The following ATP8B4 variants were observed in gnomAD, a reference collection of about 807,000 sequenced individuals.
ATP8B4 encodes ATPase phospholipid transporting 8B4 (putative), also known as probable phospholipid-transporting ATPase IM.
A neutral mutation model predicts 145.6 loss-of-function variants in ATP8B4; 133 were observed. The observed-to-expected ratio is 0.91, with a 90% CI of 0.79 to 1.05. ATP8B4 has a LOEUF of 1.05. Among genes scored for constraint, ATP8B4 ranks in the 50% least tolerant of loss-of-function variants. ATP8B4 has a pLI of 0.00. For synonymous variants in ATP8B4, 507 were observed against 492.9 expected (o/e 1.03, Z -0.38); for missense variants, 1,458 against 1,425.2 (o/e 1.02, Z -0.37).
At chr15:50,126,253 A>G (rs2153678470) in intron 1 of ATP8B4, among the ~76,000 whole-genome samples, 1 of 152,042 alleles carries the variant, frequency 6.6e-6, no homozygotes, top group African/African-American at 2.4e-5. Context: ...AAAAAAAAAA[A>G]AAACACTTCA....
chr15:49,970,447 C>T (rs2153520228), intron 13 of ATP8B4, among the ~76,000 whole-genome samples: 1 of 152,256 alleles, frequency 6.6e-6, no homozygotes. Flanking sequence ...AATCAGTGTG[C>T]AAAAATCAAA....
intron 15 of ATP8B4, among the ~76,000 whole-genome samples, chr15:49,933,471 C>A (rs2041449628): frequency 6.6e-6 from 1 of 151,986 alleles, no homozygotes; most frequent in Non-Finnish European, 1.5e-5. Context: ...ATCCTATGAA[C>A]CCTGAGTTCC....
chr15:50,170,429 C>A (rs2044653785), intron 1 of ATP8B4, among the ~76,000 whole-genome samples: 1 of 151,980 alleles, frequency 6.6e-6, no homozygotes, highest in Admixed American at 6.6e-5. Context: ...AACTAGGCAT[C>A]ATATATGAAG....
intron 18 of ATP8B4, among the ~76,000 whole-genome samples, chr15:49,919,972 C>G (rs2040108096): frequency 6.6e-6 from 1 of 152,128 alleles, no homozygotes; most frequent in Non-Finnish European, 1.5e-5. Flanking sequence ...CATCAAGGAC[C>G]ATCAGAGGTT....
At chr15:50,089,340 C>G (rs2055436974) in intron 2 of ATP8B4, among the ~76,000 whole-genome samples, 1 of 152,118 alleles carries the variant, frequency 6.6e-6, no homozygotes, top group African/African-American at 2.4e-5. Flanking sequence ...AGTGAACAGA[C>G]AGCCTACAGA....
Position 49,949,007 on chromosome 15 carries a change from G to A in ATP8B4, c.1287+12970C>T, listed in dbSNP as rs190513354. 1.3e-4 allele frequency among the ~76,000 whole-genome samples: 20 copies of A among 152,248 alleles called. 1 individual carries two copies. In the East Asian group the frequency reaches 3.9e-3, roughly 29 times the overall value. ...GTGTGGTCTTATTTGTGAGGTGTCT[G>A]TTCTGCCCCATTAGTCTATATGTTT... On this transcript the variant is annotated intron_variant, in intron 14 of 27. Coordinates refer to ENST00000284509, the MANE Select transcript of ATP8B4 (RefSeq NM_024837.4).
chr15:49,903,168 C>T (rs1280994148), intron 20 of ATP8B4, among the ~76,000 whole-genome samples: 3 of 152,164 alleles, frequency 2.0e-5, no homozygotes, highest in Non-Finnish European at 4.4e-5. Context: ...CCTTTGCCCA[C>T]GCTCTGTAGC....
At chr15:49,928,830 G>T (rs570547490) in intron 16 of ATP8B4, among the ~76,000 whole-genome samples, 68 of 152,214 alleles carry the variant, frequency 4.5e-4, no homozygotes, top group Admixed American at 2.1e-3. Context: ...TTCTAGAGAT[G>T]TTAAGGCCTG....
intron 2 of ATP8B4, among the ~76,000 whole-genome samples, chr15:50,083,018 G>T (rs995402760): frequency 1.3e-5 from 2 of 152,328 alleles, no homozygotes; most frequent in Non-Finnish European, 2.9e-5. Context: ...CTGGGAAACT[G>T]CAAATTGGTG....
At chr15:49,931,933 TG>T (rs1455140160) in intron 15 of ATP8B4, among the ~76,000 whole-genome samples, 4 of 151,084 alleles carry the variant, frequency 2.6e-5, no homozygotes, top group Admixed American at 1.3e-4. Context: ...GTAGTTGGAG[TG>T]GGGGTAAGAG....
At chr15:49,879,553 T>C in intron 23 of ATP8B4, 94 bp from the exon 24 acceptor site, 2 of 1,108,796 alleles carry the variant, frequency 1.8e-6, no homozygotes, top group Non-Finnish European at 2.6e-6. Flanking sequence ...CTGAGGTGGG[T>C]GGGAGTTGAC....
chr15:49,915,093 T>C (rs2039602343), intron 20 of ATP8B4, among the ~76,000 whole-genome samples: 1 of 151,934 alleles, frequency 6.6e-6, no homozygotes, highest in Non-Finnish European at 1.5e-5. Context: ...ATAAAGAAAA[T>C]GTGGTGTATA....
chr15:50,063,240 T>C (rs962079673), intron 3 of ATP8B4, among the ~76,000 whole-genome samples: 1 of 152,000 alleles, frequency 6.6e-6, no homozygotes, highest in Admixed American at 6.6e-5. Flanking sequence ...CAGCAACCTA[T>C]AGGGAGGTCT....
chr15:50,042,603 T>C (rs1241232125), intron 5 of ATP8B4, among the ~76,000 whole-genome samples: 1 of 152,242 alleles, frequency 6.6e-6, no homozygotes, highest in African/African-American at 2.4e-5. Flanking sequence ...ACACCATTTT[T>C]ATCTCATATT....
intron 26 of ATP8B4, among the ~76,000 whole-genome samples, chr15:49,862,613 C>G (rs377738305): frequency 6.6e-6 from 1 of 152,200 alleles, no homozygotes; most frequent in African/African-American, 2.4e-5. Context: ...CCCGCCACCA[C>G]GCCCGGCTAA....
chr15:50,168,633 T>G (rs2044627625), intron 1 of ATP8B4, among the ~76,000 whole-genome samples: 1 of 151,942 alleles, frequency 6.6e-6, no homozygotes, highest in Non-Finnish European at 1.5e-5. Flanking sequence ...GAGAAGGAAT[T>G]CTCTAGTTAA....
At chr15:50,082,358 A>T (rs1471465254) in intron 2 of ATP8B4, among the ~76,000 whole-genome samples, 1 of 152,138 alleles carries the variant, frequency 6.6e-6, no homozygotes, top group Non-Finnish European at 1.5e-5. Flanking sequence ...TAAGCAGAAA[A>T]CCAAAGAGAA....
At chr15:50,153,845 T>C (rs1459995077) in intron 1 of ATP8B4, among the ~76,000 whole-genome samples, 1 of 152,194 alleles carries the variant, frequency 6.6e-6, no homozygotes, top group African/African-American at 2.4e-5. Context: ...GTGGCAGAAA[T>C]AGAAACTGTC....
intron 9 of ATP8B4, among the ~76,000 whole-genome samples, chr15:49,993,074 G>A (rs999494472): frequency 1.3e-5 from 2 of 152,088 alleles, no homozygotes; most frequent in South Asian, 2.1e-4. Context: ...GAAAAAGAAC[G>A]AGGAGCAAAG....
Sources: gnomAD v4.1 joint callset for allele counts (sites outside exome capture counted in the v4.1 genomes callset) on GRCh38, gnomAD v4.1.1 for gene constraint, MANE v1.5 for transcripts, NCBI Gene and HGNC (gene_info 2026-07-23, HGNC 2026-07-21) for gene names.